PRKG1: variants seen among roughly 807,000 people sequenced by gnomAD.
PRKG1 encodes protein kinase cGMP-dependent 1, also known as cGMP-dependent protein kinase 1.
Under a neutral mutation model 88.1 loss-of-function variants are expected in PRKG1, and 35 were observed. The ratio of observed to expected loss-of-function variants is 0.40; its 90% CI spans 0.30 to 0.53. The LOEUF is 0.53. Ranked by LOEUF, PRKG1 falls within the 20% of genes least tolerant of loss-of-function variation. The pLI, the probability that PRKG1 is intolerant of heterozygous loss-of-function variation, is 0.59. For synonymous variants in PRKG1, 303 were observed against 292.5 expected, an observed-to-expected ratio of 1.04 and a Z score of -0.37; for missense variants, 540 against 839.8, an observed-to-expected ratio of 0.64 and a Z score of 4.41.
At chr10:51,069,426 C>T (rs892564843) in intron 1 of PRKG1, among the ~76,000 whole-genome samples, 1 of 151,928 alleles carries the variant, frequency 6.6e-6, no homozygotes, top group Non-Finnish European at 1.5e-5. Flanking sequence ...GCACTTGAAT[C>T]CCTGTACTTA....
chr10:51,806,029 T>C (rs1004665575), intron 4 of PRKG1, among the ~76,000 whole-genome samples: 1 of 152,132 alleles, frequency 6.6e-6, no homozygotes, highest in Non-Finnish European at 1.5e-5. Flanking sequence ...TATGTATGTG[T>C]TGATATATAT....
intron 1 of PRKG1, among the ~76,000 whole-genome samples, chr10:51,055,070 G>A (rs961118043): frequency 6.6e-6 from 1 of 151,914 alleles, no homozygotes; most frequent in Non-Finnish European, 1.5e-5. Flanking sequence ...TCCAGGTTTG[G>A]TGAGTATAAT....
intron 5 of PRKG1, among the ~76,000 whole-genome samples, chr10:52,044,423 A>G (rs1201519238): frequency 6.6e-5 from 10 of 152,148 alleles, no homozygotes; most frequent in Non-Finnish European, 1.3e-4. Flanking sequence ...CACACCTTTA[A>G]AAGGGAAATA....
intron 8 of PRKG1, among the ~76,000 whole-genome samples, chr10:52,154,625 C>T: frequency 6.6e-6 from 1 of 152,068 alleles, no homozygotes; most frequent in East Asian, 1.9e-4. Flanking sequence ...TCTCTTTTTA[C>T]ACCCTTTATT....
At chr10:51,545,363 T>C (rs1842421130) in intron 3 of PRKG1, among the ~76,000 whole-genome samples, 1 of 152,178 alleles carries the variant, frequency 6.6e-6, no homozygotes, top group Admixed American at 6.5e-5. Flanking sequence ...CTGGTATTAG[T>C]AATGAATTTG....
intron 7 of PRKG1, among the ~76,000 whole-genome samples, chr10:52,085,361 T>C (rs931413087): frequency 6.7e-6 from 1 of 149,550 alleles, no homozygotes; most frequent in Non-Finnish European, 1.5e-5. Context: ...TTCTAACTCA[T>C]CTACTTTCAC....
chr10:51,571,359 A>G (rs1334981300), intron 3 of PRKG1, among the ~76,000 whole-genome samples: 2 of 151,942 alleles, frequency 1.3e-5, no homozygotes, highest in Non-Finnish European at 2.9e-5. Flanking sequence ...TGATTTTCTC[A>G]TCAATAAAAT....
intron 5 of PRKG1, among the ~76,000 whole-genome samples, chr10:51,915,241 C>G (rs1048257680): frequency 2.6e-5 from 4 of 152,194 alleles, no homozygotes; most frequent in African/African-American, 9.7e-5. Context: ...TTTTATCATT[C>G]TAAATAGGCC....
intron 2 of PRKG1, among the ~76,000 whole-genome samples, chr10:51,366,809 T>C (rs1842599452): frequency 6.6e-6 from 1 of 151,944 alleles, no homozygotes; most frequent in Non-Finnish European, 1.5e-5. Context: ...GAATCAAGTC[T>C]CTCATTATTT....
chr10:52,228,956 C>T (rs1423220075), intron 9 of PRKG1, among the ~76,000 whole-genome samples: 1 of 152,110 alleles, frequency 6.6e-6, no homozygotes, highest in East Asian at 1.9e-4. Context: ...GTTTTTATTC[C>T]ACTGACATAG....
At chr10:51,293,613 C>T (rs1169000718) in intron 2 of PRKG1, among the ~76,000 whole-genome samples, 1 of 152,110 alleles carries the variant, frequency 6.6e-6, no homozygotes, top group Non-Finnish European at 1.5e-5. Context: ...TTTTCTTTAT[C>T]TGTTCATCCA....
chr10:50,994,813 G>GAAAA (rs35386826), intron 1 of PRKG1, among the ~76,000 whole-genome samples: 13 of 143,628 alleles, frequency 9.1e-5, no homozygotes, highest in East Asian at 6.0e-4. Context: ...AACTATTCAG[G>GAAAA]AAAAAAAAAA....
At chr10:51,990,113 C>T (rs551557273) in intron 5 of PRKG1, among the ~76,000 whole-genome samples, 1 of 152,048 alleles carries the variant, frequency 6.6e-6, no homozygotes, top group Admixed American at 6.6e-5. Context: ...TTCTTGGCAC[C>T]TTTGTCAAAA....
At chr10:51,946,013 A>T (rs1843024529) in intron 5 of PRKG1, among the ~76,000 whole-genome samples, 1 of 151,516 alleles carries the variant, frequency 6.6e-6, no homozygotes, top group African/African-American at 2.4e-5. Flanking sequence ...GCCTTGCTAG[A>T]TTGGGGAAGT....
intron 5 of PRKG1, among the ~76,000 whole-genome samples, chr10:51,963,819 C>G (rs1843504830): frequency 6.6e-6 from 1 of 152,092 alleles, no homozygotes; most frequent in Admixed American, 6.6e-5. Context: ...TCCCTTCTGG[C>G]AAAAGATAAA....
At chr10:52,079,771 C>A (rs1183548062) in intron 7 of PRKG1, among the ~76,000 whole-genome samples, 1 of 152,126 alleles carries the variant, frequency 6.6e-6, no homozygotes, top group Non-Finnish European at 1.5e-5. Context: ...ACTTGGAATT[C>A]TGAAGAACAA....
intron 1 of PRKG1, among the ~76,000 whole-genome samples, chr10:51,062,112 G>A (rs936365585): frequency 6.6e-6 from 1 of 152,088 alleles, no homozygotes; most frequent in Non-Finnish European, 1.5e-5. Context: ...GCTCCTGATG[G>A]GCAGGAAGAC....
chr10:52,170,930 C>T (rs1838653323), intron 9 of PRKG1, among the ~76,000 whole-genome samples: 1 of 152,156 alleles, frequency 6.6e-6, no homozygotes, highest in African/African-American at 2.4e-5. Flanking sequence ...TGAAAATGCG[C>T]TCATCAAATG....
At chr10:52,047,919 A>G (rs1442795354) in intron 5 of PRKG1, among the ~76,000 whole-genome samples, 2 of 152,146 alleles carry the variant, frequency 1.3e-5, no homozygotes, top group Admixed American at 1.3e-4. Flanking sequence ...CATATTGATT[A>G]ATCTTAACTC....
Sources: gnomAD v4.1 joint callset for allele counts (sites outside exome capture counted in the v4.1 genomes callset) on GRCh38, gnomAD v4.1.1 for gene constraint, MANE v1.5 for transcripts, NCBI Gene and HGNC (gene_info 2026-07-23, HGNC 2026-07-21) for gene names.